The following PRF1 variants were observed in gnomAD, a reference collection of about 807,000 sequenced individuals.
The protein encoded by PRF1 is perforin 1.
In PRF1, 11 loss-of-function variants were observed where a neutral mutation model predicts 11.7. That is an observed-to-expected ratio of 0.94 (90% CI 0.59 to 1.56). PRF1 has a LOEUF of 1.56. PRF1 is among the 40% of genes most tolerant of loss of function. The pLI is 0.00. For synonymous variants in PRF1, 314 were observed against 327.8 expected, an observed-to-expected ratio of 0.96 and a Z score of 0.45; for missense variants, 729 against 751.0, an observed-to-expected ratio of 0.97 and a Z score of 0.34.
Position 70,598,674 on chromosome 10 carries a change from C to A in PRF1, c.1047G>T (p.Leu349=), listed in dbSNP as rs771218500. The A allele has an allele frequency of 2.6e-5, 42 of 1,613,916 alleles. No individual in the cohort carries two copies. Among genetic ancestry groups the A allele is most frequent in the Non-Finnish European group, 3.6e-5 (42 of 1,180,038 alleles). ...CCCGCCGCGGGTCCTGGCTGTCCAG[C>A]AGCACGTGCAGGGGTTCCAGGGTGT... ...VDYTLEPLHV[L]LDSQDPRREA... Residue 349 remains leucine, a synonymous_variant, in exon 3 of 3, where the codon CTG becomes CTT. Transcript: ENST00000441259.
At position 70,598,288 on chromosome 10, in the gene PRF1, AG is replaced by A. The variant is rs779553489; in HGVS notation, c.1432del (p.Leu478Ter). ...GTCCTGATCCCAGACCTGCAACCTC[AG>A]GGGCCCCCCTGTGGCCAGGAGCACA... The part of the protein sequence containing the change: ...GDVLLATGGP[L>X]RLQVWDQDSG... On this transcript the variant is annotated frameshift_variant, in exon 3 of 3. Coordinates refer to ENST00000441259, the MANE Select transcript of PRF1 (RefSeq NM_001083116.3). LOFTEE classifies it low-confidence loss of function (END_TRUNC). 1 of 1,614,204 alleles carries A rather than the reference AG, an allele frequency of 6.2e-7. No individual in the cohort carries two copies. Among genetic ancestry groups the A allele is most frequent in the South Asian group, 1.1e-5 (1 of 91,080 alleles).
chr10:70,598,836 G>A lies in PRF1; in HGVS notation c.885C>T (p.Thr295=), dbSNP rs757011029. 6.2e-7 allele frequency: 1 copy of A among 1,614,250 alleles called. No individual in the cohort carries two copies. The highest frequency in any genetic ancestry group is 1.7e-5 in the Admixed American group (1 of 60,034). ...CCACTTCCGAGTGGCGCTCCCGGTAGGTTTGGTGGAAGGAGGCCGTCATCT... is the reference window on the plus strand; with the variant it reads ...CCACTTCCGAGTGGCGCTCCCGGTAAGTTTGGTGGAAGGAGGCCGTCATCT... ...KHKMTASFHQ[T]YRERHSEVVG... Residue 295 remains threonine (T), a synonymous_variant, in exon 3 of 3, where the codon ACC becomes ACT. Coordinates refer to ENST00000441259, the MANE Select transcript of PRF1 (RefSeq NM_001083116.3).
rs1370250209 is a variant in PRF1 at position 70,600,801 on chromosome 10, G to A, written c.102C>T (p.Ser34=). ...GCCATGCACCAGGCACGAACTTGTG[G>A]CTGCGCTTGCACTCTGAGCGTGCGG... ...HTAARSECKR[S]HKFVPGAWLA... The change falls in exon 2 of 3, where the codon AGC becomes AGT. Residue 34 remains serine (S), a synonymous_variant. Transcript: ENST00000441259. The surrounding 1 kb of genome is among the most constrained non-coding windows in gnomAD (Gnocchi z 4.9). 6.2e-7 allele frequency: 1 copy of A among 1,611,080 alleles called. No individual in the cohort carries two copies. Among genetic ancestry groups the A allele is most frequent in the Admixed American group, 1.7e-5 (1 of 59,902 alleles).
intron 1 of PRF1, among the ~76,000 whole-genome samples, chr10:70,601,197 C>T (rs980638094): frequency 5.9e-5 from 9 of 152,228 alleles, no homozygotes; most frequent in African/African-American, 2.2e-4. Flanking sequence ...GGCTCTGTCC[C>T]CAGGACACAA....
intron 1 of PRF1, among the ~76,000 whole-genome samples, chr10:70,601,896 G>A (rs1016004528): frequency 4.0e-5 from 6 of 151,104 alleles, no homozygotes; most frequent in Non-Finnish European, 5.9e-5. Context: ...AGGCCTCGAT[G>A]GTTGCTCTTC....
chr10:70,600,891 A>G lies in PRF1; in HGVS notation c.12T>C (p.Arg4=), dbSNP rs1466229935. Reference sequence around the variant, plus strand: ...GGAGAAGGATGCCCAGGAGGAGCAGACGGGCTGCCATGGAGCTGCAGAGAC... The same window carrying G: ...GGAGAAGGATGCCCAGGAGGAGCAGGCGGGCTGCCATGGAGCTGCAGAGAC... MAA[R]LLLLGILLLL... is the part of the protein sequence containing the mutation. Residue 4 remains arginine (R), a synonymous_variant, in exon 2 of 3, where the codon CGT becomes CGC. Coordinates refer to ENST00000441259, the MANE Select transcript of PRF1 (RefSeq NM_001083116.3). The surrounding 1 kb of genome is among the most constrained non-coding windows in gnomAD (Gnocchi z 4.9). 1.3e-6 allele frequency: 2 copies of G among 1,590,498 alleles called. No individual in the cohort carries two copies. Among genetic ancestry groups the G allele is most frequent in the East Asian group, 2.3e-5 (1 of 44,208 alleles).
At chr10:70,602,177 T>C (rs559270594) in intron 1 of PRF1, among the ~76,000 whole-genome samples, 17 of 152,298 alleles carry the variant, frequency 1.1e-4, no homozygotes, top group African/African-American at 2.4e-4. Context: ...AAGAGGGCTA[T>C]GGAGAGCCCC....
At chr10:70,599,285 C>T in intron 2 of PRF1, 104 bp from the exon 3 acceptor site, 1 of 1,448,056 alleles carries the variant, frequency 6.9e-7, no homozygotes, top group East Asian at 2.5e-5. Flanking sequence ...GTGGGCAGAA[C>T]TAGGACTGGA....
Position 70,597,543 on chromosome 10 carries a change from A to C in PRF1, c.*510T>G, listed in dbSNP as rs1589231331. The C allele has an allele frequency of 2.3e-6, 1 of 438,040 alleles. No homozygotes were observed. 27.1% of individuals were successfully genotyped at this position (438,040 alleles called of 1,614,324 possible). The stretch of plus-strand genomic sequence containing the variant: ...GGGCTCAAGGGAAGGGTCCTAAAAG[A>C]CCAGCCCTGAGCAGCCTGGTGGGAA... On this transcript the variant is annotated 3_prime_UTR_variant, in exon 3 of 3. Coordinates refer to ENST00000441259, the MANE Select transcript of PRF1 (RefSeq NM_001083116.3).
chr10:70,600,394 C>A lies in PRF1; in HGVS notation c.509G>T (p.Ser170Ile). 1 of 1,614,190 alleles carries A rather than the reference C, an allele frequency of 6.2e-7. No homozygotes were observed. Among genetic ancestry groups the A allele is most frequent in the Non-Finnish European group, 8.5e-7 (1 of 1,180,040 alleles). Residue 170 changes from serine (S) to isoleucine (I), a missense_variant, in exon 2 of 3, where the codon AGC (serine) becomes ATC (isoleucine). Coordinates refer to ENST00000441259, the MANE Select transcript of PRF1 (RefSeq NM_001083116.3). This position sits in a 1 kb window ranked among gnomAD's most constrained non-coding sequence, Gnocchi z 4.9. ...GAAGCGGCACTCCACCGTGTCAGTG[C>A]TGAAGCTGTACTGGTCCTGGTGGGT... ...QKTHQDQYSF[S>I]TDTVECRFYS...
In PRF1 at chr10:70,598,478, C is replaced by A; in HGVS notation, c.1243G>T (p.Ala415Ser). Residue 415 changes from alanine (A) to serine (S), a missense_variant, in exon 3 of 3, where the codon GCC becomes TCC. Coordinates refer to ENST00000441259, the MANE Select transcript of PRF1 (RefSeq NM_001083116.3). Reference sequence around the variant, plus strand: ...TGGATGAAGGTCACCTCCAGCTGGGCCAGGCCCCTCTGCCGAGGGCAGCAG... The same window carrying A: ...TGGATGAAGGTCACCTCCAGCTGGGACAGGCCCCTCTGCCGAGGGCAGCAG... ...QDCCPRQRGL[A>S]QLEVTFIQAW... is the part of the protein sequence containing the mutation. The A allele has an allele frequency of 6.2e-7, 1 of 1,613,636 alleles. No individual in the cohort carries two copies. Among genetic ancestry groups the A allele is most frequent in the Non-Finnish European group, 8.5e-7 (1 of 1,180,012 alleles).
Position 70,598,509 on chromosome 10 carries a change from G to T in PRF1, c.1212C>A (p.Thr404=). 6.2e-7 allele frequency: 1 copy of T among 1,613,458 alleles called. No homozygotes were observed. The highest frequency in any genetic ancestry group is 8.5e-7 in the Non-Finnish European group (1 of 1,179,998). ...CCCTCTGCCGAGGGCAGCAGTCCTG[G>T]GTGGTGACCGCTGAGCCATGGCACA... ...QCVCHGSAVT[T]QDCCPRQRGL... The change falls in exon 3 of 3, where the codon ACC becomes ACA. Residue 404 remains threonine, a synonymous_variant. Transcript: ENST00000441259.
rs1554868582 is a variant in PRF1 at position 70,600,864 on chromosome 10, C to T, written c.39G>A (p.Leu13=). ...GGGCAGGGACGGGCAGGGGCAGCAG[C>T]AGGAGAAGGATGCCCAGGAGGAGCA... is the stretch of plus-strand genomic sequence containing the variant. ...ARLLLLGILL[L]LLPLPVPAPC... is the part of the protein sequence containing the mutation. Residue 13 remains leucine (L), a synonymous_variant, in exon 2 of 3, where the codon CTG becomes CTA. Coordinates refer to ENST00000441259, the MANE Select transcript of PRF1 (RefSeq NM_001083116.3). This position sits in a 1 kb window ranked among gnomAD's most constrained non-coding sequence, Gnocchi z 4.9. 1 of 1,606,824 alleles carries T rather than the reference C, an allele frequency of 6.2e-7. No individual in the cohort carries two copies. Among genetic ancestry groups the T allele is most frequent in the South Asian group, 1.1e-5 (1 of 90,036 alleles).
chr10:70,599,313 C>T, intron 2 of PRF1, 132 bp from the exon 3 acceptor site: 2 of 1,192,982 alleles, frequency 1.7e-6, no homozygotes, highest in Non-Finnish European at 1.2e-6. Flanking sequence ...GGCCCGGCTC[C>T]AGAGCACAAG....
Position 70,598,244 on chromosome 10 carries a change from G to T in PRF1, c.1477C>A (p.Leu493Ile). 1 of 1,614,232 alleles carries T rather than the reference G, an allele frequency of 6.2e-7. No individual in the cohort carries two copies. Among genetic ancestry groups the T allele is most frequent in the Non-Finnish European group, 8.5e-7 (1 of 1,180,046 alleles). Reference protein sequence around the residue: ...WDQDSGRDDDLLGTCDQAPKS... With the variant: ...WDQDSGRDDDILGTCDQAPKS... ...GGAGCCTGATCACAGGTGCCAAGGA[G>T]GTCATCGTCCCTGCCAGAGTCCTGA... Residue 493 changes from leucine (L) to isoleucine (I), a missense_variant, in exon 3 of 3, where the codon CTC becomes ATC. Transcript: ENST00000441259.
chr10:70,601,012 GGAGGGGCTGA>G lies in PRF1; in HGVS notation c.-30-90_-30-81del, dbSNP rs1848223429. 6 of 1,506,262 alleles carry G rather than the reference GGAGGGGCTGA, an allele frequency of 4.0e-6. No individual in the cohort carries two copies. In the South Asian group the frequency reaches 7.4e-5, roughly 19 times the overall value. The allele number at this position is 1,506,262 out of a possible 1,614,324, so 93.3% of individuals were successfully genotyped here. On this transcript the variant is annotated intron_variant, in intron 1 of 2. Coordinates refer to ENST00000441259, the MANE Select transcript of PRF1 (RefSeq NM_001083116.3). ...ACAGATTATCAGGGCACATGGAAGG[GGAGGGGCTGA>G]GATATCTCTTAAGTCATTATTCAAT... is the stretch of plus-strand genomic sequence containing the variant.
intron 1 of PRF1, among the ~76,000 whole-genome samples, chr10:70,601,612 GGAGGTCAGAAGTTC>G (rs1320657599): frequency 6.6e-6 from 1 of 151,808 alleles, no homozygotes; most frequent in Non-Finnish European, 1.5e-5. Context: ...GTGGATCACT[GGAGGTCAGAAGTTC>G]GAGACCAGCC....
Position 70,600,955 on chromosome 10 carries a change from A to G in PRF1, c.-30-23T>C. On this transcript the variant is annotated intron_variant, in intron 1 of 2. Transcript: ENST00000441259. This position sits in a 1 kb window ranked among gnomAD's most constrained non-coding sequence, Gnocchi z 4.9. The stretch of plus-strand genomic sequence containing the variant: ...GCTCTGGGAAGCCATGGGTGGAGGG[A>G]TGGAGGATGACTGCTCCCTTCCCCC... 6.5e-7 allele frequency: 1 copy of G among 1,545,082 alleles called. No homozygotes were observed. Among genetic ancestry groups the G allele is most frequent in the Non-Finnish European group, 8.7e-7 (1 of 1,148,124 alleles).
Position 70,600,664 on chromosome 10 carries a change from A to T in PRF1, c.239T>A (p.Leu80Gln). 6.2e-7 allele frequency: 1 copy of T among 1,613,760 alleles called. No homozygotes were observed. Among genetic ancestry groups the T allele is most frequent in the Non-Finnish European group, 8.5e-7 (1 of 1,179,886 alleles). The change falls in exon 2 of 3, where the codon CTA (leucine) becomes CAA (glutamine). Residue 80 changes from leucine to glutamine, a missense_variant. By Grantham distance (113) the Leu-to-Gln change is moderately radical. Coordinates refer to ENST00000441259, the MANE Select transcript of PRF1 (RefSeq NM_001083116.3). This position sits in a 1 kb window ranked among gnomAD's most constrained non-coding sequence, Gnocchi z 4.9. ...CAGGCGCTGGAGGGTGCCCTCCTGT[A>T]GGGCATTTTCACAGAGGGTGCAGGT... ...DGTCTLCENA[L>Q]QEGTLQRLPL...
Sources: gnomAD v4.1 joint callset for allele counts (sites outside exome capture counted in the v4.1 genomes callset) on GRCh38, gnomAD v4.1.1 for gene constraint, Gnocchi (gnomAD v3.1) non-coding constraint, MANE v1.5 for transcripts, NCBI Gene and HGNC (gene_info 2026-07-23, HGNC 2026-07-21) for gene names.